TRAK1: variants seen among roughly 807,000 people sequenced by gnomAD.
TRAK1 encodes trafficking kinesin-binding protein 1.
TRAK1 carries 33 observed loss-of-function variants against 92.1 expected under a neutral mutation model. The observed-to-expected ratio is 0.36, with a 90% CI of 0.27 to 0.48. The LOEUF (loss-of-function observed/expected upper bound fraction) is 0.48, where lower values mean the gene tolerates loss of function less well. Ranked by LOEUF, TRAK1 falls within the 20% of genes least tolerant of loss-of-function variation. The pLI is 0.99. For missense variants in TRAK1, 1,123 were observed against 1,257.9 expected (o/e 0.89, Z 1.62); for synonymous variants, 521 against 517.3 (o/e 1.01, Z -0.10).
chr3:42,038,915 T>A (rs1702431130), intron 1 of TRAK1, among the ~76,000 whole-genome samples: 1 of 149,652 alleles, frequency 6.7e-6, no homozygotes, highest in African/African-American at 2.5e-5. Context: ...GTGTTGGGAT[T>A]GATTTTTTAA....
At chr3:42,160,558 G>GT (rs11370773) in intron 2 of TRAK1, 104,279 of 1,067,328 alleles carry the variant, frequency 0.098, 3,346 homozygotes, top group Non-Finnish European at 0.11. Context: ...TCATAGCACT[G>GT]TTTTGTTTTT....
chr3:42,045,404 G>A lies in TRAK1; in HGVS notation c.-519+31287G>A, dbSNP rs151325349. 2.9e-3 allele frequency among the ~76,000 whole-genome samples: 437 copies of A among 152,180 alleles called. 2 individuals carry two copies. The highest frequency in any genetic ancestry group is 0.016 in the East Asian group (81 of 5,166). On this transcript the variant is annotated intron_variant, in intron 1 of 16. Transcript: ENST00000487159. The stretch of plus-strand genomic sequence containing the variant: ...ACAAAAATTAGCCAGGCATAGTGGC[G>A]CGTGCCTGTAATCCCAGCTACTAGG...
At chr3:42,021,443 A>G (rs1701718608) in intron 1 of TRAK1, among the ~76,000 whole-genome samples, 1 of 152,068 alleles carries the variant, frequency 6.6e-6, no homozygotes, top group Non-Finnish European at 1.5e-5. Context: ...TGTAGATACA[A>G]TGCAGCACAG....
Position 42,223,944 on chromosome 3 carries a change from G to A in TRAK1, c.*207G>A, listed in dbSNP as rs560821417. The A allele has an allele frequency of 3.8e-5, 25 of 666,358 alleles. No individual in the cohort carries two copies. Among genetic ancestry groups the A allele is most frequent in the African/African-American group, 5.4e-5 (3 of 55,062 alleles). The allele number at this position is 666,358 out of a possible 1,614,324, so 41.3% of individuals were successfully genotyped here. A position where few individuals can be genotyped will look rare whatever the true frequency, so the allele number is the denominator to read the frequency against. On this transcript the variant is annotated 3_prime_UTR_variant, in exon 16 of 16. Coordinates refer to ENST00000327628, the MANE Select transcript of TRAK1 (RefSeq NM_001042646.3). The surrounding 1 kb of genome is among the most constrained non-coding windows in gnomAD (Gnocchi z 6.1). ...CATAGGACTTGGAGACCTTGTGTCC[G>A]CCCTGCTCTTTCTTCCGATCCCACA...
At chr3:42,100,376 T>TA (rs1256632505) in intron 1 of TRAK1, among the ~76,000 whole-genome samples, 4 of 152,006 alleles carry the variant, frequency 2.6e-5, no homozygotes, top group African/African-American at 4.8e-5. Flanking sequence ...CTTTCTTAAA[T>TA]AAAAAAATGG....
chr3:42,184,925 G>A (rs772887174), intron 4 of TRAK1, 124 bp downstream of exon 4: 68 of 897,138 alleles, frequency 7.6e-5, no homozygotes, highest in Non-Finnish European at 1.0e-4. Flanking sequence ...GCACGACCGC[G>A]GCCTGAGCCC....
At chr3:42,033,440 T>G (rs778143430) in intron 1 of TRAK1, among the ~76,000 whole-genome samples, 40 of 152,076 alleles carry the variant, frequency 2.6e-4, no homozygotes, top group Non-Finnish European at 4.9e-4. Flanking sequence ...AAATTTAACA[T>G]TAGCCAGGCG....
At chr3:42,178,885 G>A (rs903371282) in intron 3 of TRAK1, among the ~76,000 whole-genome samples, 1 of 152,102 alleles carries the variant, frequency 6.6e-6, no homozygotes, top group African/African-American at 2.4e-5. Flanking sequence ...TGAGGTAGGA[G>A]GATCGCTTGA....
chr3:42,050,863 G>C (rs2148913438), intron 1 of TRAK1, among the ~76,000 whole-genome samples: 1 of 152,104 alleles, frequency 6.6e-6, no homozygotes, highest in East Asian at 1.9e-4. Flanking sequence ...TCACCATGTT[G>C]GCCAGGCTGG....
intron 13 of TRAK1, among the ~76,000 whole-genome samples, chr3:42,208,384 G>A (rs1028782266): frequency 2.6e-5 from 4 of 151,428 alleles, no homozygotes; most frequent in South Asian, 2.1e-4. Context: ...GGCTGAGATC[G>A]ACACATGAGA....
intron 2 of TRAK1, among the ~76,000 whole-genome samples, chr3:42,130,925 TCAC>T (rs1412089179): frequency 6.6e-6 from 1 of 152,140 alleles, no homozygotes; most frequent in African/African-American, 2.4e-5. Context: ...GCAGGTCTCC[TCAC>T]CACTCTAGAG....
At chr3:42,104,404 G>A (rs956990299) in intron 1 of TRAK1, among the ~76,000 whole-genome samples, 17 of 152,074 alleles carry the variant, frequency 1.1e-4, no homozygotes. Flanking sequence ...TCCTCAAGTG[G>A]GTCCCTGACC....
chr3:42,144,062 A>G (rs1365222375), intron 2 of TRAK1, among the ~76,000 whole-genome samples: 3 of 152,156 alleles, frequency 2.0e-5, no homozygotes, highest in Admixed American at 1.3e-4. Flanking sequence ...AGCTGTGCTC[A>G]ATAATGTGTT....
Position 42,202,364 on chromosome 3 carries a change from A to G in TRAK1, c.1428-72A>G, listed in dbSNP as rs1419896716. On this transcript the variant is annotated intron_variant, in intron 12 of 15. Transcript: ENST00000327628. This position sits in a 1 kb window ranked among gnomAD's most constrained non-coding sequence, Gnocchi z 6.1. ...CCCCAGGGAACGTCCACCGCTGTGC[A>G]TTGAGCAGTCGGGCCTCTGTGGCCT... The G allele has an allele frequency of 3.6e-6, 5 of 1,405,004 alleles. No individual in the cohort carries two copies. Among genetic ancestry groups the G allele is most frequent in the African/African-American group, 2.9e-5 (2 of 69,384 alleles). The allele number at this position is 1,405,004 out of a possible 1,614,324, so 87.0% of individuals were successfully genotyped here.
At chr3:42,030,362 TA>T (rs778274238) in intron 1 of TRAK1, among the ~76,000 whole-genome samples, 247 of 130,386 alleles carry the variant, frequency 1.9e-3, no homozygotes, top group African/African-American at 6.4e-3. Flanking sequence ...ACCCTGTCTC[TA>T]AAAAAAAAAA....
intron 6 of TRAK1, among the ~76,000 whole-genome samples, chr3:42,189,881 C>T (rs966821744): frequency 6.6e-6 from 1 of 152,178 alleles, no homozygotes; most frequent in African/African-American, 2.4e-5. Context: ...GCTGAGGCAA[C>T]TTGGGGACTC....
At chr3:42,060,907 A>C (rs1009244579) in intron 1 of TRAK1, among the ~76,000 whole-genome samples, 1 of 152,018 alleles carries the variant, frequency 6.6e-6, no homozygotes, top group Non-Finnish European at 1.5e-5. Flanking sequence ...CTGGGATTAC[A>C]GGCATGAGCC....
At chr3:42,165,780 T>A (rs902389567) in intron 2 of TRAK1, among the ~76,000 whole-genome samples, 1 of 152,096 alleles carries the variant, frequency 6.6e-6, no homozygotes, top group Non-Finnish European at 1.5e-5. Context: ...GGTTCATGGT[T>A]TTCATTGTCC....
chr3:42,212,034 G>A lies in TRAK1; in HGVS notation c.1963+2049G>A, dbSNP rs1006561633. ...CTTTAAAAACTGGCTTCAGAGGGGA[G>A]AGGGGAGAACAATGAATTGGCTCTA... On this transcript the variant is annotated intron_variant, in intron 14 of 15. Transcript: ENST00000327628. 4 of 985,426 alleles carry A rather than the reference G, an allele frequency of 4.1e-6. No homozygotes were observed. The South Asian group carries it at 1.9e-4, about 46-fold the overall frequency. The allele number at this position is 985,426 out of a possible 1,614,324, so 61.0% of individuals were successfully genotyped here. A position where few individuals can be genotyped will look rare whatever the true frequency, so the allele number is the denominator to read the frequency against.
Sources: gnomAD v4.1 joint callset for allele counts (sites outside exome capture counted in the v4.1 genomes callset) on GRCh38, gnomAD v4.1.1 for gene constraint, Gnocchi (gnomAD v3.1) non-coding constraint, MANE v1.5 for transcripts, NCBI Gene and HGNC (gene_info 2026-07-23, HGNC 2026-07-21) for gene names.